ENOX1: variants seen among roughly 807,000 people sequenced by gnomAD.
ENOX1 encodes the protein ecto-NOX disulfide-thiol exchanger 1.
In ENOX1, 42 loss-of-function variants were observed where a neutral mutation model predicts 82.5. The observed-to-expected ratio is 0.51, with a 90% CI of 0.40 to 0.66. ENOX1 has a LOEUF of 0.66. Ranked by LOEUF, ENOX1 falls within the 30% of genes least tolerant of loss-of-function variation. The pLI is 0.00. For missense variants in ENOX1, 608 were observed against 811.6 expected, an observed-to-expected ratio of 0.75 and a Z score of 3.05; for synonymous variants, 271 against 282.2, an observed-to-expected ratio of 0.96 and a Z score of 0.40.
At chr13:43,424,017 G>A (rs2055139696) in intron 3 of ENOX1, among the ~76,000 whole-genome samples, 1 of 152,182 alleles carries the variant, frequency 6.6e-6, no homozygotes, top group Admixed American at 6.5e-5. Context: ...TAAGGCCTCT[G>A]GGACAAGATT....
chr13:43,295,280 T>C (rs2046227046), intron 12 of ENOX1, among the ~76,000 whole-genome samples: 1 of 152,198 alleles, frequency 6.6e-6, no homozygotes, highest in Non-Finnish European at 1.5e-5. Context: ...TAAGATCAGG[T>C]AAAGGCTACC....
At chr13:43,620,628 T>A (rs1051714402) in intron 2 of ENOX1, among the ~76,000 whole-genome samples, 1 of 152,192 alleles carries the variant, frequency 6.6e-6, no homozygotes, top group African/African-American at 2.4e-5. Flanking sequence ...ATAATTTCGA[T>A]TTTCTTAAAT....
chr13:43,262,362 ATTG>A (rs1566365893), intron 14 of ENOX1, among the ~76,000 whole-genome samples: 1 of 152,190 alleles, frequency 6.6e-6, no homozygotes, highest in East Asian at 1.9e-4. Context: ...CCACTGTATA[ATTG>A]TTATTAATAA....
chr13:43,616,204 A>ATATATATATATATATTTTT (rs1457149422), intron 2 of ENOX1, among the ~76,000 whole-genome samples: 3 of 15,292 alleles, frequency 2.0e-4, no homozygotes, highest in East Asian at 6.8e-3. Context: ...ATATATATAT[A>ATATATATATATATATTTTT]TTTTTTTTTT....
At chr13:43,350,248 T>A (rs1020798244) in intron 8 of ENOX1, among the ~76,000 whole-genome samples, 11 of 152,228 alleles carry the variant, frequency 7.2e-5, no homozygotes, top group African/African-American at 2.4e-4. Context: ...TTAAATAAAA[T>A]CATTGGCACA....
intron 2 of ENOX1, among the ~76,000 whole-genome samples, chr13:43,512,169 C>T (rs1404026748): frequency 6.6e-6 from 1 of 152,074 alleles, no homozygotes; most frequent in Non-Finnish European, 1.5e-5. Context: ...GAGATTTAAA[C>T]CATTACAAAC....
At chr13:43,601,430 T>C (rs866653659) in intron 2 of ENOX1, among the ~76,000 whole-genome samples, 3 of 151,892 alleles carry the variant, frequency 2.0e-5, no homozygotes, top group Non-Finnish European at 2.9e-5. Context: ...AACAGCAGCA[T>C]TGATCAAGCA....
intron 1 of ENOX1, among the ~76,000 whole-genome samples, chr13:43,705,305 ACTCTCT>A (rs33978402): frequency 1.5e-4 from 20 of 132,650 alleles, no homozygotes; most frequent in South Asian, 2.6e-4. Flanking sequence ...ACAAACAACA[ACTCTCT>A]CTCTCTCTCT....
rs146521945 is a variant in ENOX1, at chr13:43,675,109, G to A, written c.-284-7565C>T. 7.9e-5 allele frequency among the ~76,000 whole-genome samples: 12 copies of A among 152,230 alleles called. No homozygotes were observed. In the East Asian group the frequency reaches 2.1e-3, roughly 27 times the overall value. ...TTTCAAGCAGGGCTTGTCATTATGT[G>A]TTCTACATTTTTGAAAGGTCACTCT... On this transcript the variant is annotated intron_variant, in intron 1 of 16. Coordinates refer to ENST00000690772, the MANE Select transcript of ENOX1 (RefSeq NM_001347969.2).
chr13:43,618,893 C>T (rs753048148), intron 2 of ENOX1, among the ~76,000 whole-genome samples: 5 of 151,208 alleles, frequency 3.3e-5, no homozygotes, highest in South Asian at 2.1e-4. Flanking sequence ...TCCATTTGTT[C>T]GTGTCATCTA....
intron 14 of ENOX1, among the ~76,000 whole-genome samples, chr13:43,258,379 G>A (rs2043868091): frequency 6.6e-6 from 1 of 152,176 alleles, no homozygotes; most frequent in Non-Finnish European, 1.5e-5. Context: ...TTAATTCACA[G>A]CAGAAAATGT....
chr13:43,251,303 C>T (rs750887094), intron 14 of ENOX1, among the ~76,000 whole-genome samples: 1 of 152,174 alleles, frequency 6.6e-6, no homozygotes, highest in Non-Finnish European at 1.5e-5. Context: ...AGATCACCTG[C>T]AGATAATATG....
At chr13:43,644,881 A>G (rs899016567) in intron 2 of ENOX1, among the ~76,000 whole-genome samples, 6 of 152,158 alleles carry the variant, frequency 3.9e-5, no homozygotes, top group African/African-American at 1.4e-4. Context: ...CAGGTCTTAT[A>G]CCAAGTTTAA....
chr13:43,376,875 G>T (rs994939868), intron 5 of ENOX1, among the ~76,000 whole-genome samples: 1 of 152,020 alleles, frequency 6.6e-6, no homozygotes, highest in Non-Finnish European at 1.5e-5. Flanking sequence ...ATTGAAATCC[G>T]GGCACTTCTA....
intron 4 of ENOX1, 21 bp downstream of exon 4, chr13:43,412,824 G>C (rs1371681365): frequency 6.2e-7 from 1 of 1,613,832 alleles, no homozygotes; most frequent in Non-Finnish European, 8.5e-7. Context: ...TTTGTGTCCT[G>C]TGCTGGCCAC....
At chr13:43,463,256 C>G (rs2057570770) in intron 3 of ENOX1, among the ~76,000 whole-genome samples, 1 of 152,108 alleles carries the variant, frequency 6.6e-6, no homozygotes, top group African/African-American at 2.4e-5. Context: ...GTTAATGAAC[C>G]AGGCCCTTTA....
At chr13:43,266,730 T>A (rs1231734789) in intron 13 of ENOX1, among the ~76,000 whole-genome samples, 1 of 152,194 alleles carries the variant, frequency 6.6e-6, no homozygotes, top group Non-Finnish European at 1.5e-5. Context: ...AAGGACTTTT[T>A]AAAATCCCCT....
intron 14 of ENOX1, among the ~76,000 whole-genome samples, chr13:43,240,625 G>T (rs1338762716): frequency 2.0e-5 from 3 of 152,166 alleles, no homozygotes; most frequent in East Asian, 1.9e-4. Flanking sequence ...CAAGTAGGTG[G>T]CTCAGTGAAT....
intron 1 of ENOX1, among the ~76,000 whole-genome samples, chr13:43,671,331 T>A (rs916678059): frequency 3.3e-5 from 5 of 152,166 alleles, no homozygotes; most frequent in African/African-American, 9.7e-5. Context: ...ATAAGGTCAA[T>A]ATAGGGTGTT....
Sources: gnomAD v4.1 joint callset for allele counts (sites outside exome capture counted in the v4.1 genomes callset) on GRCh38, gnomAD v4.1.1 for gene constraint, MANE v1.5 for transcripts, NCBI Gene and HGNC (gene_info 2026-07-23, HGNC 2026-07-21) for gene names.